DGKH: variants seen among roughly 807,000 people sequenced by gnomAD.
DGKH encodes the protein diacylglycerol kinase eta.
Under a neutral mutation model 159.3 loss-of-function variants are expected in DGKH, and 90 were observed. The observed-to-expected ratio is 0.57, with a 90% CI of 0.48 to 0.67. The LOEUF (loss-of-function observed/expected upper bound fraction) is 0.67. Ranked by LOEUF, DGKH falls within the 30% of genes least tolerant of loss-of-function variation. The probability of loss-of-function intolerance (pLI) is 0.00; values close to 1 mark genes in which losing one functional copy is unlikely to be tolerated. For missense variants in DGKH, 1,181 were observed against 1,506.1 expected, an observed-to-expected ratio of 0.78 and a Z score of 3.57; for synonymous variants, 536 against 553.8, an observed-to-expected ratio of 0.97 and a Z score of 0.45.
intron 3 of DGKH, among the ~76,000 whole-genome samples, chr13:42,134,931 C>G (rs990982717): frequency 6.6e-6 from 1 of 151,878 alleles, no homozygotes; most frequent in Non-Finnish European, 1.5e-5. Flanking sequence ...GAGCCGAGAT[C>G]GTGCCACTGC....
At chr13:42,167,079 C>T (rs547587598) in intron 9 of DGKH, among the ~76,000 whole-genome samples, 1 of 152,120 alleles carries the variant, frequency 6.6e-6, no homozygotes, top group African/African-American at 2.4e-5. Context: ...CTGTCAAGGG[C>T]AGTTCTTCAA....
Position 42,209,477 on chromosome 13 carries a change from A to G in DGKH, c.2850+12A>G. ...TAACAAGGGACAGAGTATGTAACAA[A>G]AACATTCTTCTAGAATATTGTCAGG... On this transcript the variant is annotated intron_variant, in intron 23 of 29. Coordinates refer to ENST00000337343, the MANE Select transcript of DGKH (RefSeq NM_178009.5). The G allele has an allele frequency of 1.3e-6, 2 of 1,574,864 alleles. No homozygotes were observed. Among genetic ancestry groups the G allele is most frequent in the Non-Finnish European group, 1.7e-6 (2 of 1,165,116 alleles).
chr13:42,085,929 T>A (rs1385572149), intron 1 of DGKH, among the ~76,000 whole-genome samples: 1 of 144,134 alleles, frequency 6.9e-6, no homozygotes, highest in Admixed American at 7.0e-5. Flanking sequence ...TAAACTAAGT[T>A]TTTTTTTTTG....
At position 42,241,144 on chromosome 13, in the gene DGKH, T is replaced by G. The variant is rs942126009; in HGVS notation, c.*11956T>G. 1 of 152,098 alleles carries G rather than the reference T, an allele frequency of 6.6e-6. No homozygotes were observed. The highest frequency in any genetic ancestry group is 1.5e-5 in the Non-Finnish European group (1 of 68,056). The allele number at this position is 152,098 out of a possible 1,614,324, so 9.4% of individuals were successfully genotyped here. A position where few individuals can be genotyped will look rare whatever the true frequency, so the allele number is the denominator to read the frequency against. Reference sequence around the variant, plus strand: ...AGAAAAAAAATCAAAATAATTGTAATTAACTGAAATGCCCTGTTCCTTCAT... The same window carrying G: ...AGAAAAAAAATCAAAATAATTGTAAGTAACTGAAATGCCCTGTTCCTTCAT... On this transcript the variant is annotated 3_prime_UTR_variant, in exon 30 of 30. Transcript: ENST00000337343.
intron 1 of DGKH, among the ~76,000 whole-genome samples, chr13:42,099,130 C>G (rs1002386928): frequency 6.6e-6 from 1 of 152,176 alleles, no homozygotes; most frequent in South Asian, 2.1e-4. Flanking sequence ...CACACTAATT[C>G]ATAGAGTCAG....
Position 42,210,683 on chromosome 13 carries a change from A to G in DGKH, c.2932A>G (p.Ile978Val), listed in dbSNP as rs1232395262. 2 of 1,612,206 alleles carry G rather than the reference A, an allele frequency of 1.2e-6. No homozygotes were observed. Among genetic ancestry groups the G allele is most frequent in the Non-Finnish European group, 8.5e-7 (1 of 1,179,954 alleles). ...GKPVLRTHLY[I>V]HHAIDLATEE... is the part of the protein sequence containing the mutation. ...ACCAGTTCTCCGAACCCATTTGTAC[A>G]TCCATCACGCCATTGACTTGGCAAC... The change falls in exon 24 of 30, where the codon ATC (isoleucine) becomes GTC (valine). Residue 978 changes from isoleucine (I) to valine (V), a missense_variant. Coordinates refer to ENST00000337343, the MANE Select transcript of DGKH (RefSeq NM_178009.5).
At chr13:42,099,276 G>T (rs1057181115) in intron 1 of DGKH, among the ~76,000 whole-genome samples, 4 of 152,102 alleles carry the variant, frequency 2.6e-5, no homozygotes, top group African/African-American at 9.7e-5. Context: ...GTCTCAGTTT[G>T]TCCATTCAAT....
At chr13:42,168,261 A>G (rs778186308) in intron 9 of DGKH, among the ~76,000 whole-genome samples, 179 bp from the exon 10 acceptor site, 1 of 151,918 alleles carries the variant, frequency 6.6e-6, no homozygotes, top group Non-Finnish European at 1.5e-5. Flanking sequence ...TTTCCTCCTT[A>G]TGATTCAGAA....
chr13:42,049,629 G>A (rs568236531), intron 1 of DGKH, among the ~76,000 whole-genome samples: 11 of 152,326 alleles, frequency 7.2e-5, no homozygotes, highest in African/African-American at 2.6e-4. Flanking sequence ...TCCAAGGGCT[G>A]GCCAGGCTTT....
chr13:42,109,609 C>T (rs1238299069), intron 1 of DGKH, among the ~76,000 whole-genome samples: 1 of 152,080 alleles, frequency 6.6e-6, no homozygotes, highest in Admixed American at 6.6e-5. Flanking sequence ...AAAATGCTGT[C>T]AAGACCAAAG....
intron 3 of DGKH, among the ~76,000 whole-genome samples, chr13:42,151,864 T>C (rs1432273656): frequency 6.6e-6 from 1 of 152,108 alleles, no homozygotes; most frequent in East Asian, 1.9e-4. Flanking sequence ...CTTTGAGAAA[T>C]CTCTATACTG....
chr13:42,148,885 C>T (rs1194793095), intron 3 of DGKH, among the ~76,000 whole-genome samples: 3 of 151,956 alleles, frequency 2.0e-5, no homozygotes, highest in East Asian at 3.9e-4. Context: ...GCTTCTTCCC[C>T]GCCGACATAC....
At chr13:42,125,726 A>G (rs1393194222) in intron 1 of DGKH, among the ~76,000 whole-genome samples, 1 of 152,238 alleles carries the variant, frequency 6.6e-6, no homozygotes, top group Non-Finnish European at 1.5e-5. Context: ...GGAGACAACA[A>G]ACTTTTCTCA....
At chr13:42,250,281 A>G (rs1305514231) in intron 29 of DGKH, among the ~76,000 whole-genome samples, 2 of 151,448 alleles carry the variant, frequency 1.3e-5, no homozygotes, top group Non-Finnish European at 2.9e-5. Context: ...TCCAGCTCCT[A>G]TTTAAAAAAA....
chr13:42,187,191 A>G lies in DGKH; in HGVS notation c.1638+43A>G, dbSNP rs767912609. The G allele has an allele frequency of 6.0e-6, 9 of 1,494,760 alleles. No individual in the cohort carries two copies. The Admixed American group carries it at 1.2e-4, about 20-fold the overall frequency. The allele number at this position is 1,494,760 out of a possible 1,614,324, so 92.6% of individuals were successfully genotyped here. On this transcript the variant is annotated intron_variant, in intron 14 of 29. Coordinates refer to ENST00000337343, the MANE Select transcript of DGKH (RefSeq NM_178009.5). The stretch of plus-strand genomic sequence containing the variant: ...AGGGCATGAGAGTTGTTTATGGACA[A>G]TGCTCACATTCAACTGTGTTTCAAA...
chr13:42,152,466 T>TACATACACATGTATACACAC (rs1955929856), intron 3 of DGKH, among the ~76,000 whole-genome samples: 1 of 150,074 alleles, frequency 6.7e-6, no homozygotes. Context: ...CACATATATA[T>TACATACACATGTATACACAC]ACATACACAT....
chr13:42,170,940 C>T (rs956837266), intron 11 of DGKH, among the ~76,000 whole-genome samples: 5 of 33,732 alleles, frequency 1.5e-4, no homozygotes, highest in East Asian at 8.1e-4. Context: ...GAGACTCTGT[C>T]TCAAAAAAAA....
At chr13:42,204,398 T>C (rs1248789788) in intron 20 of DGKH, among the ~76,000 whole-genome samples, 1 of 152,224 alleles carries the variant, frequency 6.6e-6, no homozygotes, top group African/African-American at 2.4e-5. Flanking sequence ...AACCTGCTAA[T>C]GGTTAACACT....
intron 3 of DGKH, among the ~76,000 whole-genome samples, chr13:42,139,959 T>C (rs1165026355): frequency 3.9e-5 from 6 of 152,186 alleles, no homozygotes; most frequent in African/African-American, 1.2e-4. Flanking sequence ...TGTGCCATCA[T>C]AGGGGCCCAG....
Sources: allele counts gnomAD v4.1 joint callset (sites outside exome capture counted in the v4.1 genomes callset), GRCh38; gene constraint gnomAD v4.1.1; transcripts MANE v1.5; gene names NCBI Gene and HGNC (gene_info 2026-07-23, HGNC 2026-07-21).